Variants in LYPD6B observed in about 807,000 individuals in gnomAD.
LYPD6B encodes the protein LY6/PLAUR domain containing 6B.
A neutral mutation model predicts 22.8 loss-of-function variants in LYPD6B; 17 were observed. The observed-to-expected ratio is 0.75, with a 90% CI of 0.51 to 1.12. The LOEUF (loss-of-function observed/expected upper bound fraction) is 1.12. Ranked by LOEUF, LYPD6B falls within the 50% of genes most tolerant of loss-of-function variation. The pLI, the probability that LYPD6B is intolerant of heterozygous loss-of-function variation, is 0.00. For missense variants in LYPD6B, 221 were observed against 258.3 expected (o/e 0.86, Z 0.99); for synonymous variants, 106 against 91.6 (o/e 1.16, Z -0.90).
intron 1 of LYPD6B, chr2:149,068,667 CCTT>C (rs1359382406): frequency 1.8e-6 from 1 of 543,656 alleles, no homozygotes; most frequent in African/African-American, 1.9e-5. Context: ...ACCTTTTGTC[CCTT>C]CTTAAAAAAC....
At chr2:149,066,328 C>T (rs1009680721) in intron 1 of LYPD6B, among the ~76,000 whole-genome samples, 1 of 150,640 alleles carries the variant, frequency 6.6e-6, no homozygotes, top group Non-Finnish European at 1.5e-5. Flanking sequence ...CCTCCCCCGT[C>T]CCCCCACCCC....
At chr2:149,114,526 C>T (rs1396748849) in intron 1 of LYPD6B, among the ~76,000 whole-genome samples, 1 of 152,108 alleles carries the variant, frequency 6.6e-6, no homozygotes, top group Non-Finnish European at 1.5e-5. Flanking sequence ...TCAGCAGCCT[C>T]CAAATTAAAA....
intron 4 of LYPD6B, among the ~76,000 whole-genome samples, chr2:149,207,663 C>T (rs1353034409): frequency 1.3e-5 from 2 of 151,946 alleles, no homozygotes; most frequent in Non-Finnish European, 2.9e-5. Context: ...ATATTCCTGG[C>T]CAAGGTCTAA....
intron 1 of LYPD6B, among the ~76,000 whole-genome samples, chr2:149,120,784 CTTTT>C (rs567231544): frequency 0.22 from 20,667 of 94,498 alleles, 774 homozygotes; most frequent in East Asian, 0.47. Context: ...GCTACAAAGT[CTTTT>C]TTTTTTTTTT....
chr2:149,156,956 G>A (rs1337569467), intron 2 of LYPD6B, among the ~76,000 whole-genome samples: 1 of 152,206 alleles, frequency 6.6e-6, no homozygotes, highest in Non-Finnish European at 1.5e-5. Context: ...TTGTACATCA[G>A]AAAGGCCTGA....
intron 1 of LYPD6B, among the ~76,000 whole-genome samples, chr2:149,120,328 T>C (rs1687232455): frequency 9.7e-6 from 1 of 103,046 alleles, no homozygotes; most frequent in African/African-American, 3.0e-5. Context: ...TATATGTGTA[T>C]ATATATATGT....
chr2:149,115,625 T>A (rs1219230396), intron 1 of LYPD6B, among the ~76,000 whole-genome samples: 1 of 152,156 alleles, frequency 6.6e-6, no homozygotes, highest in Non-Finnish European at 1.5e-5. Context: ...ATTGTGGAAA[T>A]GTTTAGAGTT....
chr2:149,135,895 C>T (rs77917560), intron 2 of LYPD6B, among the ~76,000 whole-genome samples: 3,938 of 152,030 alleles, frequency 0.026, 164 homozygotes, highest in African/African-American at 0.09. Flanking sequence ...CTTGATTCTC[C>T]CTGCCATCCC....
In LYPD6B at chr2:149,111,130, G is replaced by A. The variant is rs114534954; in HGVS notation, c.-66-19753G>A. Among the ~76,000 whole-genome samples, 700 of 152,248 alleles carry A rather than the reference G, an allele frequency of 4.6e-3. 3 individuals are homozygous for A. Among genetic ancestry groups the A allele is most frequent in the African/African-American group, 0.015 (643 of 41,538 alleles). ...TACTGAGAAAGTAAGGGAGAGAATAGTAGGAGGTGAGGTCAGAGGGACCCC... is the reference window on the plus strand; with the variant it reads ...TACTGAGAAAGTAAGGGAGAGAATAATAGGAGGTGAGGTCAGAGGGACCCC... On this transcript the variant is annotated intron_variant, in intron 1 of 6. Transcript: ENST00000409642.
chr2:149,072,482 TTTTTATTTTATTTTATTTTATTTTA>T (rs59980462), intron 1 of LYPD6B, among the ~76,000 whole-genome samples: 2 of 129,844 alleles, frequency 1.5e-5, no homozygotes, highest in African/African-American at 5.6e-5. Context: ...AGGGTGGTTA[TTTTTATTTTATTTTATTTTATTTTA>T]TTTTATTTTA....
chr2:149,115,241 C>T (rs1390031526), intron 1 of LYPD6B, among the ~76,000 whole-genome samples: 3 of 152,118 alleles, frequency 2.0e-5, no homozygotes, highest in Admixed American at 2.0e-4. Flanking sequence ...GCCCAGCCTA[C>T]AGTGATTTAA....
chr2:149,196,363 T>C (rs944326041), intron 3 of LYPD6B, among the ~76,000 whole-genome samples: 2 of 152,240 alleles, frequency 1.3e-5, no homozygotes, highest in African/African-American at 2.4e-5. Context: ...TGCAGTTTAT[T>C]GTTCGTTTTT....
chr2:149,088,433 T>G (rs989669143), intron 1 of LYPD6B, among the ~76,000 whole-genome samples: 2 of 152,184 alleles, frequency 1.3e-5, no homozygotes, highest in Non-Finnish European at 2.9e-5. Flanking sequence ...GATTTTCTAG[T>G]TTCAAAATTT....
intron 3 of LYPD6B, among the ~76,000 whole-genome samples, chr2:149,181,897 C>T (rs1284759380): frequency 6.6e-6 from 1 of 152,166 alleles, no homozygotes; most frequent in African/African-American, 2.4e-5. Context: ...TCTTCTCCCT[C>T]CCATGGCAAG....
intron 3 of LYPD6B, among the ~76,000 whole-genome samples, chr2:149,177,416 C>T (rs1424235816): frequency 6.6e-6 from 1 of 152,154 alleles, no homozygotes; most frequent in Non-Finnish European, 1.5e-5. Context: ...TATTTGGTTA[C>T]CTTAGCTCTG....
At chr2:149,159,600 G>A (rs964929107) in intron 2 of LYPD6B, among the ~76,000 whole-genome samples, 4 of 150,998 alleles carry the variant, frequency 2.6e-5, no homozygotes, top group African/African-American at 2.4e-5. Flanking sequence ...GTGTGTGTGT[G>A]TGTGTGTGTG....
chr2:149,064,189 C>A (rs1684221888), intron 1 of LYPD6B, among the ~76,000 whole-genome samples: 1 of 152,070 alleles, frequency 6.6e-6, no homozygotes, highest in South Asian at 2.1e-4. Flanking sequence ...GAAGTACAGC[C>A]CTATTTTGCT....
At chr2:149,136,990 T>G (rs1290219792) in intron 2 of LYPD6B, among the ~76,000 whole-genome samples, 1 of 152,178 alleles carries the variant, frequency 6.6e-6, no homozygotes, top group Non-Finnish European at 1.5e-5. Context: ...ATGTTTTGGA[T>G]GGATGCATTT....
intron 2 of LYPD6B, chr2:149,153,942 T>C (rs1001015764): frequency 4.7e-6 from 1 of 213,900 alleles, no homozygotes; most frequent in Non-Finnish European, 8.0e-6. Flanking sequence ...ATGGAATTTA[T>C]TGGCATTGGG....
Sources: allele counts gnomAD v4.1 joint callset (sites outside exome capture counted in the v4.1 genomes callset), GRCh38; gene constraint gnomAD v4.1.1; transcripts MANE v1.5; gene names NCBI Gene and HGNC (gene_info 2026-07-23, HGNC 2026-07-21).